Variants in SLC6A11 observed in about 807,000 individuals in gnomAD.
SLC6A11 encodes sodium- and chloride-dependent GABA transporter 3.
SLC6A11 carries 25 observed loss-of-function variants against 74.8 expected under a neutral mutation model. The ratio of observed to expected loss-of-function variants is 0.33; its 90% CI spans 0.24 to 0.47. SLC6A11 has a LOEUF of 0.47. Ranked by LOEUF, SLC6A11 falls within the 20% of genes least tolerant of loss-of-function variation. The pLI is 1.00. For synonymous variants in SLC6A11, 330 were observed against 330.2 expected (o/e 1.00, Z 0.01); for missense variants, 574 against 837.0 (o/e 0.69, Z 3.88).
chr3:10,887,559 C>T (rs1028443243), intron 6 of SLC6A11, among the ~76,000 whole-genome samples: 10 of 152,150 alleles, frequency 6.6e-5, no homozygotes, highest in African/African-American at 2.4e-4. Flanking sequence ...GATTCTCCTG[C>T]CTCAGCCTCC....
intron 6 of SLC6A11, among the ~76,000 whole-genome samples, chr3:10,902,086 CTGTGTG>C (rs3836462): frequency 1.3e-5 from 2 of 150,364 alleles, no homozygotes; most frequent in African/African-American, 2.4e-5. Context: ...GTGTGTGGGT[CTGTGTG>C]TGTGTGTGTG....
At chr3:10,917,524 T>C (rs771610919) in intron 7 of SLC6A11, among the ~76,000 whole-genome samples, 1 of 152,222 alleles carries the variant, frequency 6.6e-6, no homozygotes, top group Non-Finnish European at 1.5e-5. Flanking sequence ...GTTGAAATTC[T>C]AACAGGCTAA....
At chr3:10,850,579 A>T (rs550471836) in intron 5 of SLC6A11, among the ~76,000 whole-genome samples, 2 of 152,258 alleles carry the variant, frequency 1.3e-5, no homozygotes, top group South Asian at 2.1e-4. Context: ...GGCCTCTGTG[A>T]TGGGAAGGAT....
At chr3:10,843,528 G>A (rs150025423) in intron 4 of SLC6A11, among the ~76,000 whole-genome samples, 14 of 152,218 alleles carry the variant, frequency 9.2e-5, no homozygotes, top group Non-Finnish European at 1.9e-4. Flanking sequence ...CTTCTTCCAG[G>A]AAGCTCTCCC....
intron 5 of SLC6A11, among the ~76,000 whole-genome samples, chr3:10,845,323 C>T (rs1694489748): frequency 6.6e-6 from 1 of 152,162 alleles, no homozygotes. Flanking sequence ...TTCCATATCA[C>T]CCCCAATCCT....
At chr3:10,831,057 C>G (rs960470207) in intron 4 of SLC6A11, among the ~76,000 whole-genome samples, 1 of 152,180 alleles carries the variant, frequency 6.6e-6, no homozygotes, top group African/African-American at 2.4e-5. Context: ...AGAGAATGGT[C>G]TCTCTGATGT....
At chr3:10,853,222 G>A (rs1188820831) in intron 5 of SLC6A11, among the ~76,000 whole-genome samples, 4 of 152,324 alleles carry the variant, frequency 2.6e-5, no homozygotes, top group African/African-American at 4.8e-5. Flanking sequence ...GCTCCAGGCA[G>A]GGGGACCTGT....
chr3:10,877,109 C>A (rs528323113), intron 6 of SLC6A11, among the ~76,000 whole-genome samples: 33 of 152,244 alleles, frequency 2.2e-4, no homozygotes, highest in Non-Finnish European at 3.8e-4. Context: ...AGCCCTCTGC[C>A]CATTTTTATA....
At chr3:10,858,006 C>T (rs1575678354) in intron 5 of SLC6A11, among the ~76,000 whole-genome samples, 1 of 152,204 alleles carries the variant, frequency 6.6e-6, no homozygotes, top group African/African-American at 2.4e-5. Flanking sequence ...GCCGATGCAC[C>T]ACTGAATATT....
intron 6 of SLC6A11, among the ~76,000 whole-genome samples, chr3:10,883,073 G>A (rs570059208): frequency 6.6e-6 from 1 of 152,094 alleles, no homozygotes; most frequent in South Asian, 2.1e-4. Context: ...AGGTGGGGGG[G>A]CGCTTTGAAC....
At chr3:10,874,517 T>C (rs1206424996) in intron 5 of SLC6A11, among the ~76,000 whole-genome samples, 2 of 152,186 alleles carry the variant, frequency 1.3e-5, no homozygotes, top group African/African-American at 2.4e-5. Context: ...TTTTATTTAT[T>C]GTGGTAAGAA....
intron 5 of SLC6A11, among the ~76,000 whole-genome samples, chr3:10,855,297 A>G (rs13079153): frequency 0.19 from 28,611 of 152,200 alleles, 3,438 homozygotes; most frequent in South Asian, 0.34. Flanking sequence ...TGGGCTTGAG[A>G]TCAATTTTTA....
At chr3:10,825,816 A>G (rs1694201296) in intron 4 of SLC6A11, among the ~76,000 whole-genome samples, 1 of 152,182 alleles carries the variant, frequency 6.6e-6, no homozygotes, top group Admixed American at 6.5e-5. Flanking sequence ...TTATAATGCC[A>G]TCTTCTGTAC....
Position 10,816,348 on chromosome 3 carries a change from G to A in SLC6A11, c.83G>A (p.Cys28Tyr). The change falls in exon 1 of 14, where the codon TGC becomes TAC. Residue 28 changes from cysteine (C) to tyrosine (Y), a missense_variant. Coordinates refer to ENST00000254488, the MANE Select transcript of SLC6A11 (RefSeq NM_014229.3). This position sits in a 1 kb window ranked among gnomAD's most constrained non-coding sequence, Gnocchi z 4.2. ...GAGTCCGAGGCGCCGGGTGGCGGCT[G>A]CAGCAGCGGGGGCGCGGCGCCCGCG... The part of the protein sequence containing the change: ...ARESEAPGGG[C>Y]SSGGAAPARH... 2.8e-6 allele frequency: 4 copies of A among 1,442,864 alleles called. No homozygotes were observed. Among genetic ancestry groups the A allele is most frequent in the East Asian group, 3.0e-5 (1 of 33,492 alleles). The allele number at this position is 1,442,864 out of a possible 1,614,324, so 89.4% of individuals were successfully genotyped here.
chr3:10,831,234 C>G (rs907953989), intron 4 of SLC6A11, among the ~76,000 whole-genome samples: 1 of 152,090 alleles, frequency 6.6e-6, no homozygotes, highest in African/African-American at 2.4e-5. Flanking sequence ...TAGCAATAAC[C>G]CGCGGCACTG....
chr3:10,923,884 A>G (rs1045938237), intron 8 of SLC6A11, among the ~76,000 whole-genome samples: 4 of 152,126 alleles, frequency 2.6e-5, no homozygotes, highest in Non-Finnish European at 4.4e-5. Context: ...ATAATACACC[A>G]GAAAGGATAT....
chr3:10,843,320 T>C (rs1694461741), intron 4 of SLC6A11, among the ~76,000 whole-genome samples: 1 of 152,122 alleles, frequency 6.6e-6, no homozygotes, highest in Non-Finnish European at 1.5e-5. Flanking sequence ...TTTGGCATGA[T>C]AGTCAAGGCT....
At chr3:10,894,902 T>C (rs1695152025) in intron 6 of SLC6A11, among the ~76,000 whole-genome samples, 1 of 152,198 alleles carries the variant, frequency 6.6e-6, no homozygotes, top group Admixed American at 6.5e-5. Context: ...ACCACAAATA[T>C]ATAGAATTTT....
chr3:10,896,089 C>T (rs1016271466), intron 6 of SLC6A11, among the ~76,000 whole-genome samples: 1 of 152,240 alleles, frequency 6.6e-6, no homozygotes, highest in African/African-American at 2.4e-5. Flanking sequence ...GAGGCATTGA[C>T]CCTGCAGTGA....
Sources: allele counts gnomAD v4.1 joint callset (sites outside exome capture counted in the v4.1 genomes callset), GRCh38; gene constraint gnomAD v4.1.1; non-coding constraint Gnocchi (gnomAD v3.1); transcripts MANE v1.5; gene names NCBI Gene and HGNC (gene_info 2026-07-23, HGNC 2026-07-21).